TTLL1: variants seen among roughly 807,000 people sequenced by gnomAD.
TTLL1 encodes TTL family tubulin polyglutamylase complex subunit L1.
Under a neutral mutation model 47.8 loss-of-function variants are expected in TTLL1, and 33 were observed. The observed-to-expected ratio is 0.69, with a 90% CI of 0.52 to 0.92. The LOEUF (loss-of-function observed/expected upper bound fraction) is 0.92, where lower values mean the gene tolerates loss of function less well. TTLL1 is among the 40% of genes least tolerant of loss of function. The pLI is 0.00. For missense variants in TTLL1, 488 were observed against 547.5 expected (o/e 0.89, Z 1.08); for synonymous variants, 225 against 214.1 (o/e 1.05, Z -0.45).
chr22:43,056,376 A>G (rs1927007728), intron 8 of TTLL1, among the ~76,000 whole-genome samples: 1 of 151,284 alleles, frequency 6.6e-6, no homozygotes, highest in South Asian at 2.1e-4. Context: ...AAAATTGAAA[A>G]AAAAAAAAAT....
Position 43,066,992 on chromosome 22 carries a change from G to GAA in TTLL1, c.503+1416_503+1417dup, listed in dbSNP as rs906404832. On this transcript the variant is annotated intron_variant, in intron 5 of 10. Coordinates refer to ENST00000266254, the MANE Select transcript of TTLL1 (RefSeq NM_012263.5). The stretch of plus-strand genomic sequence containing the variant: ...AACAGAGTGAGACTCCATCTCAAAA[G>GAA]AAAAAAAAAAAAGTAAACATGCTAT... Among the ~76,000 whole-genome samples, 483 of 139,632 alleles carry GAA rather than the reference G, an allele frequency of 3.5e-3. 1 individual carries two copies. Among genetic ancestry groups the GAA allele is most frequent in the African/African-American group, 0.012 (464 of 38,308 alleles). The allele number at this position is 139,632 out of a possible 152,430, so 91.6% of individuals were successfully genotyped here. A position where few individuals can be genotyped will look rare whatever the true frequency, so the allele number is the denominator to read the frequency against.
intron 9 of TTLL1, 113 bp downstream of exon 9, chr22:43,051,688 C>T: frequency 1.0e-6 from 1 of 990,860 alleles, no homozygotes; most frequent in Non-Finnish European, 1.6e-6. Flanking sequence ...AGTCCCCTTC[C>T]TGCCTGGCCT....
intron 3 of TTLL1, among the ~76,000 whole-genome samples, chr22:43,070,536 C>T (rs184912479): frequency 6.6e-6 from 1 of 152,260 alleles, no homozygotes; most frequent in African/African-American, 2.4e-5. Flanking sequence ...CAGCCTACCC[C>T]CACCCCACAG....
intron 10 of TTLL1, among the ~76,000 whole-genome samples, chr22:43,043,049 C>T (rs1393646013): frequency 3.3e-5 from 5 of 151,440 alleles, no homozygotes; most frequent in Admixed American, 3.3e-4. Flanking sequence ...AAGCCATTCT[C>T]CTGCCCTCAG....
intron 7 of TTLL1, among the ~76,000 whole-genome samples, chr22:43,062,386 G>A (rs917724112): frequency 4.0e-5 from 6 of 151,870 alleles, no homozygotes; most frequent in African/African-American, 1.5e-4. Flanking sequence ...AGCTACTCAG[G>A]AGGCTGAGGC....
intron 10 of TTLL1, among the ~76,000 whole-genome samples, chr22:43,043,117 T>C (rs906365574): frequency 6.6e-6 from 1 of 151,932 alleles, no homozygotes; most frequent in Non-Finnish European, 1.5e-5. Context: ...ATTTTTGTAT[T>C]TTTAGCAGAG....
chr22:43,048,311 C>T (rs12628848), intron 9 of TTLL1, among the ~76,000 whole-genome samples: 15,975 of 148,476 alleles, frequency 0.11, 1,549 homozygotes, highest in East Asian at 0.3. Flanking sequence ...AGTGAGACTC[C>T]GTCTCAAAAA....
In TTLL1 at chr22:43,039,740, G is replaced by C; in HGVS notation, c.*36C>G. On this transcript the variant is annotated 3_prime_UTR_variant, in exon 11 of 11. Transcript: ENST00000266254. ...AAATAGGGCTTCAGCAGGGGCCCAGGTGGAGTGAGTAGTTTTGATAAGGTC... is the reference window on the plus strand; with the variant it reads ...AAATAGGGCTTCAGCAGGGGCCCAGCTGGAGTGAGTAGTTTTGATAAGGTC... 1 of 1,553,072 alleles carries C rather than the reference G, an allele frequency of 6.4e-7. No individual in the cohort carries two copies.
At chr22:43,064,383 A>G in intron 5 of TTLL1, 59 bp from the exon 6 acceptor site, 1 of 1,556,652 alleles carries the variant, frequency 6.4e-7, no homozygotes. Context: ...CGAAGACACA[A>G]TCCAAGAAAG....
intron 3 of TTLL1, among the ~76,000 whole-genome samples, chr22:43,070,638 T>A (rs1023979517): frequency 2.0e-5 from 3 of 152,092 alleles, no homozygotes; most frequent in African/African-American, 7.2e-5. Flanking sequence ...GACTTTTTAT[T>A]ATGGAAAACC....
intron 1 of TTLL1, among the ~76,000 whole-genome samples, chr22:43,080,699 C>T (rs567142877): frequency 3.9e-5 from 6 of 151,994 alleles, no homozygotes; most frequent in African/African-American, 1.4e-4. Context: ...AGGTACAGTT[C>T]AAAGGTCACT....
chr22:43,066,930 G>A (rs1455205979), intron 5 of TTLL1, among the ~76,000 whole-genome samples: 1 of 152,020 alleles, frequency 6.6e-6, no homozygotes, highest in Non-Finnish European at 1.5e-5. Context: ...TGAGGTTGCA[G>A]TGAGCTGAGA....
chr22:43,046,389 C>T (rs1273706769), intron 10 of TTLL1, 21 bp downstream of exon 10: 2 of 1,612,100 alleles, frequency 1.2e-6, no homozygotes, highest in African/African-American at 1.3e-5. Flanking sequence ...AGGACAAGCG[C>T]ACAGTCACAC....
intron 9 of TTLL1, among the ~76,000 whole-genome samples, chr22:43,050,579 G>A (rs1357597230): frequency 6.6e-6 from 1 of 151,042 alleles, no homozygotes; most frequent in Admixed American, 6.6e-5. Context: ...TTGGAGTGCA[G>A]TGGCGCGATC....
chr22:43,064,085 C>A, intron 6 of TTLL1, 105 bp downstream of exon 6: 1 of 1,536,562 alleles, frequency 6.5e-7, no homozygotes, highest in South Asian at 1.2e-5. Context: ...CCGTGCCAGG[C>A]ACCGCACATG....
intron 7 of TTLL1, among the ~76,000 whole-genome samples, chr22:43,059,936 T>G (rs925511978): frequency 1.3e-5 from 2 of 152,156 alleles, no homozygotes; most frequent in African/African-American, 2.4e-5. Flanking sequence ...GGGATCCTCC[T>G]GCCTTGGCCT....
At chr22:43,063,305 C>T (rs1927506133) in intron 7 of TTLL1, among the ~76,000 whole-genome samples, 1 of 152,168 alleles carries the variant, frequency 6.6e-6, no homozygotes, top group East Asian at 1.9e-4. Context: ...CACCCAGCCA[C>T]GGCATTCAGC....
chr22:43,065,002 A>T (rs1246556555), intron 5 of TTLL1, among the ~76,000 whole-genome samples: 1 of 151,680 alleles, frequency 6.6e-6, no homozygotes, highest in Non-Finnish European at 1.5e-5. Context: ...AAAAATAGCC[A>T]GGCATGGGGG....
intron 10 of TTLL1, among the ~76,000 whole-genome samples, chr22:43,040,944 C>T (rs1925625654): frequency 6.6e-6 from 1 of 152,178 alleles, no homozygotes; most frequent in Admixed American, 6.5e-5. Context: ...GCCCTTCTCT[C>T]ACGGGGTCCT....
Sources: allele counts gnomAD v4.1 joint callset (sites outside exome capture counted in the v4.1 genomes callset), GRCh38; gene constraint gnomAD v4.1.1; transcripts MANE v1.5; gene names NCBI Gene and HGNC (gene_info 2026-07-23, HGNC 2026-07-21).